DPH6: variants seen among roughly 807,000 people sequenced by gnomAD.
The protein encoded by DPH6 is diphthamine biosynthesis 6, also known as diphthine--ammonia ligase.
DPH6 carries 33 observed loss-of-function variants against 38.2 expected under a neutral mutation model. The observed-to-expected ratio is 0.86, with a 90% CI of 0.65 to 1.15. DPH6 has a LOEUF of 1.15. Ranked by LOEUF, DPH6 falls within the 50% of genes most tolerant of loss-of-function variation. The pLI is 0.00. For synonymous variants in DPH6, 108 were observed against 103.0 expected, an observed-to-expected ratio of 1.05 and a Z score of -0.30; for missense variants, 325 against 320.0, an observed-to-expected ratio of 1.02 and a Z score of -0.12.
At chr15:35,334,743 T>C (rs892305721) in intron 3 of DPH6, among the ~76,000 whole-genome samples, 2 of 152,208 alleles carry the variant, frequency 1.3e-5, no homozygotes, top group African/African-American at 4.8e-5. Context: ...ATTTTGTTCT[T>C]TTTTTATGGC....
At chr15:35,520,998 A>T in intron 3 of DPH6, 1 of 985,200 alleles carries the variant, frequency 1.0e-6, no homozygotes, top group Non-Finnish European at 1.2e-6. Flanking sequence ...GTAATATGTC[A>T]ACCTACTCAT....
At chr15:35,496,172 T>C (rs77753035) in intron 3 of DPH6, among the ~76,000 whole-genome samples, 1 of 152,214 alleles carries the variant, frequency 6.6e-6, no homozygotes, top group Non-Finnish European at 1.5e-5. Context: ...TCTAATTACT[T>C]AGAAAAAATT....
chr15:35,539,796 G>T (rs762524641), intron 2 of DPH6, among the ~76,000 whole-genome samples: 1 of 151,818 alleles, frequency 6.6e-6, no homozygotes. Context: ...ATAGTGCAAG[G>T]GCCCCTTCAA....
chr15:35,280,041 G>A (rs188267020), intron 3 of DPH6, among the ~76,000 whole-genome samples: 22 of 152,252 alleles, frequency 1.4e-4, no homozygotes, highest in Non-Finnish European at 3.1e-4. Flanking sequence ...AAACCAAATT[G>A]GCTGGCACCT....
chr15:35,399,284 TA>T (rs2053186897), intron 6 of DPH6, among the ~76,000 whole-genome samples: 1 of 151,894 alleles, frequency 6.6e-6, no homozygotes, highest in South Asian at 2.1e-4. Flanking sequence ...AACAAAAAAA[TA>T]AGCTTTTAAA....
chr15:35,185,778 A>G, the DPH6 span, among the ~76,000 whole-genome samples: 3 of 132,340 alleles, frequency 2.3e-5, no homozygotes, highest in Non-Finnish European at 3.1e-5. Context: ...AGGCTGGAGT[A>G]CAGTGGCGTG....
chr15:35,509,300 C>T (rs2054736387), intron 3 of DPH6, among the ~76,000 whole-genome samples: 1 of 152,168 alleles, frequency 6.6e-6, no homozygotes, highest in Non-Finnish European at 1.5e-5. Flanking sequence ...TAAATTTCTT[C>T]AGCATTGACT....
At chr15:35,542,541 T>G in intron 1 of DPH6, 34 bp from the exon 2 acceptor site, 1 of 1,511,494 alleles carries the variant, frequency 6.6e-7, no homozygotes, top group Admixed American at 1.7e-5. Flanking sequence ...ACAAATATCA[T>G]GCTACTGACC....
the DPH6 span, among the ~76,000 whole-genome samples, chr15:35,150,722 A>G: frequency 1.3e-5 from 2 of 152,210 alleles, no homozygotes; most frequent in African/African-American, 4.8e-5. Context: ...GCAAAGTAAT[A>G]AAAACAATCA....
chr15:35,480,070 A>G (rs1299325365), intron 3 of DPH6, among the ~76,000 whole-genome samples: 1 of 152,026 alleles, frequency 6.6e-6, no homozygotes, highest in African/African-American at 2.4e-5. Context: ...TAATAATACA[A>G]TTTATTTTGG....
At chr15:35,159,653 G>A in the DPH6 span, among the ~76,000 whole-genome samples, 2 of 151,980 alleles carry the variant, frequency 1.3e-5, no homozygotes, top group East Asian at 1.9e-4. Flanking sequence ...GCAGTTTGGA[G>A]GTTTCTCAAA....
chr15:35,470,529 G>T (rs376265392), intron 3 of DPH6, among the ~76,000 whole-genome samples: 3 of 152,142 alleles, frequency 2.0e-5, no homozygotes, highest in African/African-American at 7.2e-5. Flanking sequence ...GACTTGTGAA[G>T]AGATGGTGCA....
chr15:35,498,988 T>G (rs1201936664), intron 3 of DPH6, among the ~76,000 whole-genome samples: 3 of 145,720 alleles, frequency 2.1e-5, no homozygotes, highest in Non-Finnish European at 4.5e-5. Flanking sequence ...TATATGTTAA[T>G]ATATAGGCCT....
chr15:35,404,266 T>C (rs982744419), intron 6 of DPH6, among the ~76,000 whole-genome samples: 1 of 152,156 alleles, frequency 6.6e-6, no homozygotes, highest in East Asian at 1.9e-4. Context: ...CTGGATCATA[T>C]AGTAGCTCTA....
intron 3 of DPH6, among the ~76,000 whole-genome samples, chr15:35,459,781 A>C (rs759928509): frequency 3.3e-5 from 5 of 152,194 alleles, no homozygotes; most frequent in African/African-American, 4.8e-5. Flanking sequence ...AGGATAAAGT[A>C]ACTGTGTGCA....
chr15:35,501,244 T>C (rs2054623541), intron 3 of DPH6, among the ~76,000 whole-genome samples: 1 of 152,072 alleles, frequency 6.6e-6, no homozygotes, highest in Non-Finnish European at 1.5e-5. Flanking sequence ...ACTTTCACAT[T>C]TATAGCACTT....
chr15:35,256,007 T>C (rs2051705801), intron 3 of DPH6, among the ~76,000 whole-genome samples: 2 of 151,946 alleles, frequency 1.3e-5, no homozygotes, highest in South Asian at 4.1e-4. Flanking sequence ...TTTGAATATA[T>C]ATACACACCT....
At chr15:35,438,540 C>G (rs1566910030) in intron 5 of DPH6, among the ~76,000 whole-genome samples, 1 of 152,132 alleles carries the variant, frequency 6.6e-6, no homozygotes, top group Non-Finnish European at 1.5e-5. Flanking sequence ...CTTTCCTAGC[C>G]CTACTCTTAA....
intron 6 of DPH6, among the ~76,000 whole-genome samples, chr15:35,391,784 G>A (rs1246076646): frequency 6.6e-6 from 1 of 152,254 alleles, no homozygotes. Flanking sequence ...GACCCCTTGC[G>A]CTTCCCAGGT....
Sources: allele counts gnomAD v4.1 joint callset (sites outside exome capture counted in the v4.1 genomes callset), GRCh38; gene constraint gnomAD v4.1.1; transcripts MANE v1.5; gene names NCBI Gene and HGNC (gene_info 2026-07-23, HGNC 2026-07-21).